Variants in TEX26 observed in about 807,000 individuals in gnomAD.
TEX26 encodes testis expressed 26.
In TEX26, 34 loss-of-function variants were observed where a neutral mutation model predicts 35.3. The observed-to-expected ratio is 0.96, with a 90% CI of 0.73 to 1.28. The LOEUF is 1.28. Ranked by LOEUF, TEX26 falls within the 50% of genes most tolerant of loss-of-function variation. The pLI is 0.00. For missense variants in TEX26, 371 were observed against 330.1 expected (o/e 1.12, Z -0.96); for synonymous variants, 136 against 111.8 (o/e 1.22, Z -1.36).
chr13:30,945,489 T>C (rs1162823139), intron 2 of TEX26, among the ~76,000 whole-genome samples: 1 of 151,904 alleles, frequency 6.6e-6, no homozygotes, highest in African/African-American at 2.4e-5. Flanking sequence ...CTAATCATCA[T>C]GTTAATTGCT....
rs774302114 is a variant in TEX26 at position 30,952,649 on chromosome 13, T to A, written c.147-11T>A. On this transcript the variant is annotated splice_polypyrimidine_tract_variant and intron_variant, in intron 2 of 6. Transcript: ENST00000380473. ...ACCTCTAACTCTAATTTCTGCTGGG[T>A]TTTTTTATAGCCAAAACGGTATCAG... The A allele has an allele frequency of 6.5e-7, 1 of 1,547,666 alleles. No homozygotes were observed. Among genetic ancestry groups the A allele is most frequent in the Admixed American group, 2.1e-5 (1 of 47,918 alleles).
intron 3 of TEX26, among the ~76,000 whole-genome samples, chr13:30,953,067 A>C (rs1953992089): frequency 6.6e-6 from 1 of 152,146 alleles, no homozygotes; most frequent in Admixed American, 6.5e-5. Flanking sequence ...ACGTAATATA[A>C]AATTAACCTT....
chr13:30,971,902 C>T (rs1954724753), intron 6 of TEX26, among the ~76,000 whole-genome samples: 2 of 152,174 alleles, frequency 1.3e-5, no homozygotes, highest in Admixed American at 1.3e-4. Flanking sequence ...CCATCTCTTC[C>T]TCCAACTGAA....
intron 4 of TEX26, among the ~76,000 whole-genome samples, chr13:30,964,898 C>T (rs994827473): frequency 1.3e-5 from 2 of 152,166 alleles, no homozygotes; most frequent in Non-Finnish European, 2.9e-5. Flanking sequence ...GGCAGAGTGC[C>T]CATGACCCAA....
intron 6 of TEX26, 169 bp from the exon 7 acceptor site, chr13:30,974,677 A>G: frequency 1.8e-6 from 1 of 547,322 alleles, no homozygotes; most frequent in Non-Finnish European, 3.1e-6. Context: ...TAATTACACA[A>G]CTGTGCCTGT....
chr13:30,957,585 G>A (rs1954185430), intron 4 of TEX26, among the ~76,000 whole-genome samples: 1 of 152,198 alleles, frequency 6.6e-6, no homozygotes, highest in African/African-American at 2.4e-5. Flanking sequence ...AGTGAAGAAT[G>A]GAGATGGCCC....
chr13:30,973,437 T>C (rs1954776750), intron 6 of TEX26: 1 of 152,164 alleles, frequency 6.6e-6, no homozygotes, highest in Non-Finnish European at 1.5e-5. Context: ...ATCTATATCA[T>C]CCTGTGGTCG....
Position 30,968,961 on chromosome 13 carries a change from C to T in TEX26, c.723C>T (p.Asp241=). The stretch of plus-strand genomic sequence containing the variant: ...AGACCACATACCAAAGTGACTACGA[C>T]AAAACCTACCCAGATTTCTTAATGC... ...KKQTTYQSDY[D]KTYPDFLMLL... The change falls in exon 6 of 7, where the codon GAC becomes GAT. Residue 241 remains aspartate, a synonymous_variant. Transcript: ENST00000380473. The T allele has an allele frequency of 6.2e-7, 1 of 1,614,106 alleles. No homozygotes were observed. The highest frequency in any genetic ancestry group is 8.5e-7 in the Non-Finnish European group (1 of 1,179,980).
chr13:30,956,159 TC>T (rs561471437), intron 3 of TEX26, among the ~76,000 whole-genome samples: 1 of 91,320 alleles, frequency 1.1e-5, no homozygotes, highest in Non-Finnish European at 2.1e-5. Context: ...ATGCTATCCC[TC>T]CCCCCTCCCC....
intron 5 of TEX26, among the ~76,000 whole-genome samples, chr13:30,968,118 A>C (rs2138337713): frequency 6.6e-6 from 1 of 152,358 alleles, no homozygotes; most frequent in East Asian, 1.9e-4. Flanking sequence ...AGCAGATTAA[A>C]AGGAGAAAAG....
rs1342589124 is a variant in TEX26, at chr13:30,934,222, C to A, written c.61+1446C>A. ...ATTCTGCCTCCAAAGCTCTTTTTCC[C>A]CCAGGTGAATTCGCCCCTTTACCTC... On this transcript the variant is annotated intron_variant, in intron 1 of 6. Transcript: ENST00000380473. 4.6e-5 allele frequency among the ~76,000 whole-genome samples: 7 copies of A among 152,280 alleles called. No individual in the cohort carries two copies. The South Asian group carries it at 1.2e-3, about 27-fold the overall frequency.
At chr13:30,967,606 G>A (rs1156728621) in intron 5 of TEX26, among the ~76,000 whole-genome samples, 1 of 152,180 alleles carries the variant, frequency 6.6e-6, no homozygotes, top group Non-Finnish European at 1.5e-5. Flanking sequence ...TTCTCAGGGT[G>A]CAGTGTCAAA....
At chr13:30,942,307 C>A (rs965603935) in intron 2 of TEX26, among the ~76,000 whole-genome samples, 7 of 151,826 alleles carry the variant, frequency 4.6e-5, no homozygotes, top group Admixed American at 4.6e-4. Context: ...ATGTTTTTGG[C>A]CATTTGTATA....
At chr13:30,941,419 T>C (rs1388517166) in intron 2 of TEX26, among the ~76,000 whole-genome samples, 2 of 152,172 alleles carry the variant, frequency 1.3e-5, no homozygotes, top group African/African-American at 4.8e-5. Flanking sequence ...ATAGATAACT[T>C]AGGGAGTCTA....
chr13:30,974,595 C>G (rs780676121), intron 6 of TEX26, among the ~76,000 whole-genome samples: 28 of 152,300 alleles, frequency 1.8e-4, no homozygotes, highest in Admixed American at 5.9e-4. Context: ...AAGCCTGTTT[C>G]ATTCTGAAAT....
intron 2 of TEX26, among the ~76,000 whole-genome samples, chr13:30,943,748 G>A (rs963901150): frequency 2.0e-5 from 3 of 151,720 alleles, no homozygotes; most frequent in Admixed American, 6.6e-5. Context: ...TTTTGATTCC[G>A]TTTATGTGAT....
At chr13:30,960,945 A>G (rs534130019) in intron 4 of TEX26, among the ~76,000 whole-genome samples, 1 of 152,366 alleles carries the variant, frequency 6.6e-6, no homozygotes, top group East Asian at 1.9e-4. Context: ...GAGGTATCAA[A>G]TATAATTAAA....
At chr13:30,949,324 T>G (rs1953836620) in intron 2 of TEX26, among the ~76,000 whole-genome samples, 7 of 152,202 alleles carry the variant, frequency 4.6e-5, no homozygotes, top group Admixed American at 4.6e-4. Flanking sequence ...TTTGAATATA[T>G]TTTTATCAAA....
Position 30,956,963 on chromosome 13 carries a change from G to A in TEX26, c.403G>A (p.Val135Ile), listed in dbSNP as rs745872171. The change falls in exon 4 of 7, where the codon GTT (valine) becomes ATT (isoleucine). Residue 135 changes from valine (V) to isoleucine (I), a missense_variant. Val to Ile is a conservative substitution (Grantham distance 29, BLOSUM62 3). Coordinates refer to ENST00000380473, the MANE Select transcript of TEX26 (RefSeq NM_152325.3). Reference protein sequence around the residue: ...PWKIPASMKEVNKALSNQFIS... With the variant: ...PWKIPASMKEINKALSNQFIS... ...GAAAATCCCGGCTTCAATGAAAGAAGTTAACAAGGCACTATCAAATCAGTT... is the reference window on the plus strand; with the variant it reads ...GAAAATCCCGGCTTCAATGAAAGAAATTAACAAGGCACTATCAAATCAGTT... The A allele has an allele frequency of 1.1e-5, 17 of 1,614,078 alleles. No homozygotes were observed. The highest frequency in any genetic ancestry group is 1.4e-5 in the Non-Finnish European group (17 of 1,180,038).
Sources: allele counts gnomAD v4.1 joint callset (sites outside exome capture counted in the v4.1 genomes callset), GRCh38; gene constraint gnomAD v4.1.1; transcripts MANE v1.5; gene names NCBI Gene and HGNC (gene_info 2026-07-23, HGNC 2026-07-21).